Variants in SPG7 observed in about 807,000 individuals in gnomAD.
SPG7 encodes SPG7 matrix AAA peptidase subunit, paraplegin.
SPG7 carries 103 observed loss-of-function variants against 81.9 expected under a neutral mutation model. The observed-to-expected ratio is 1.26, with a 90% confidence interval of 1.07 to 1.48. The LOEUF (loss-of-function observed/expected upper bound fraction) is 1.48. Ranked by LOEUF, SPG7 falls within the 40% of genes most tolerant of loss-of-function variation. SPG7 has a pLI of 0.00. For synonymous variants in SPG7, 534 were observed against 444.2 expected, an observed-to-expected ratio of 1.20 and a Z score of -2.54; for missense variants, 1,241 against 1,087.3, an observed-to-expected ratio of 1.14 and a Z score of -1.99.
intron 7 of SPG7, chr16:89,531,698 G>A: frequency 1.7e-6 from 1 of 595,872 alleles, no homozygotes; most frequent in South Asian, 2.0e-5. Context: ...AAAAGTAGCT[G>A]GGCGTGGTGC....
At chr16:89,550,140 G>C (rs1336545678) in intron 12 of SPG7, 3 of 353,600 alleles carry the variant, frequency 8.5e-6, no homozygotes, top group Non-Finnish European at 1.7e-5. Flanking sequence ...CAGCCAGGGA[G>C]AGGCCGGGGT....
intron 5 of SPG7, chr16:89,526,725 T>C: frequency 4.6e-6 from 2 of 438,988 alleles, no homozygotes; most frequent in East Asian, 5.0e-5. Flanking sequence ...AAGCCCCTGG[T>C]GTAGGATGCT....
intron 11 of SPG7, 56 bp downstream of exon 11, chr16:89,546,816 A>C: frequency 8.6e-7 from 1 of 1,168,328 alleles, no homozygotes; most frequent in Admixed American, 1.7e-5. Flanking sequence ...AGGTGGTGTC[A>C]CCTGCGCAAA....
intron 9 of SPG7, chr16:89,541,283 C>A (rs1319265363): frequency 1.0e-6 from 1 of 985,332 alleles, no homozygotes; most frequent in Non-Finnish European, 1.2e-6. Flanking sequence ...GTATCCTTAT[C>A]ATGGTGTTCT....
At chr16:89,540,340 A>G (rs1478660886) in intron 9 of SPG7, 2 of 152,078 alleles carry the variant, frequency 1.3e-5, no homozygotes, top group East Asian at 3.9e-4. Context: ...TGATCCCAGC[A>G]TTTTGCGCGT....
At chr16:89,556,723 T>G in intron 16 of SPG7, 164 bp from the exon 17 acceptor site, 1 of 685,930 alleles carries the variant, frequency 1.5e-6, no homozygotes, top group Non-Finnish European at 2.7e-6. Flanking sequence ...TGGGGGTGAT[T>G]CTTCTTTCGG....
At chr16:89,536,278 G>T (rs1234074676) in intron 9 of SPG7, among the ~76,000 whole-genome samples, 1 of 114,450 alleles carries the variant, frequency 8.7e-6, no homozygotes, top group Non-Finnish European at 1.9e-5. Flanking sequence ...GTGGCCTTCA[G>T]TGTGGCCTCT....
intron 5 of SPG7, chr16:89,529,238 ATCTCCGGC>A: frequency 1.7e-6 from 1 of 580,176 alleles, no homozygotes; most frequent in South Asian, 2.0e-5. Context: ...GGCTGGCTAG[ATCTCCGGC>A]ATCTGCACAC....
intron 12 of SPG7, chr16:89,548,613 G>A (rs368963005): frequency 1.4e-4 from 45 of 317,758 alleles, no homozygotes; most frequent in Admixed American, 5.9e-4. Context: ...GGTCCCGACC[G>A]TCAGTAGGAA....
chr16:89,539,033 G>C (rs2058464388), intron 9 of SPG7: 2 of 149,214 alleles, frequency 1.3e-5, no homozygotes, highest in South Asian at 4.3e-4. Flanking sequence ...CAGATCTCGA[G>C]GCCCAAGGGG....
chr16:89,523,881 C>G, intron 3 of SPG7, 125 bp from the exon 4 acceptor site: 2 of 1,212,344 alleles, frequency 1.6e-6, no homozygotes, highest in Non-Finnish European at 2.4e-6. Flanking sequence ...GGAGGAAGTG[C>G]AGGATCTTCT....
Position 89,529,587 on chromosome 16 carries a change from CT to C in SPG7, c.861+9del. On this transcript the variant is annotated intron_variant, in intron 6 of 16. Coordinates refer to ENST00000645818, the MANE Select transcript of SPG7 (RefSeq NM_003119.4). ...GGTGGATTCAGTGCTTTTGTAAGTT[CT>C]GTAAATCAGAGCTCTCTGAACTCTT... The C allele has an allele frequency of 6.3e-7, 1 of 1,593,968 alleles. No individual in the cohort carries two copies.
intron 10 of SPG7, chr16:89,546,218 C>A (rs1208760538): frequency 4.5e-5 from 14 of 311,022 alleles, no homozygotes; most frequent in South Asian, 3.8e-4. Context: ...TCCCGAGTAG[C>A]TGGGATTACA....
In SPG7 at chr16:89,554,582, G is replaced by A. The variant is rs201539829; in HGVS notation, c.2181+19G>A. 190 of 1,584,234 alleles carry A rather than the reference G, an allele frequency of 1.2e-4. 1 individual carries two copies. The East Asian group carries it at 1.8e-3, about 15-fold the overall frequency. ...GCAGGCGGTGAGGCCCTGGCCAGGC[G>A]TGGGGGCTACGGCGTCACACAGTGT... is the stretch of plus-strand genomic sequence containing the variant. On this transcript the variant is annotated intron_variant, in intron 16 of 16. Transcript: ENST00000645818.
At chr16:89,548,714 G>C (rs1388428880) in intron 12 of SPG7, 1 of 352,828 alleles carries the variant, frequency 2.8e-6, no homozygotes, top group African/African-American at 2.1e-5. Flanking sequence ...TGCGACGTCT[G>C]TGAGGAGAGA....
chr16:89,527,634 A>C (rs2058282067), intron 5 of SPG7, among the ~76,000 whole-genome samples: 2 of 152,190 alleles, frequency 1.3e-5, no homozygotes, highest in Admixed American at 6.5e-5. Flanking sequence ...CAGTGTTGAG[A>C]GGGAAACAGA....
At chr16:89,522,807 GT>G (rs2058206944) in intron 3 of SPG7, 1 of 152,514 alleles carries the variant, frequency 6.6e-6, no homozygotes, top group African/African-American at 2.4e-5. Context: ...ACTGTGGGAA[GT>G]GACCCCTGCG....
At chr16:89,536,854 G>C in intron 9 of SPG7, 1 of 1,614,182 alleles carries the variant, frequency 6.2e-7, no homozygotes. Flanking sequence ...GGAGCCCACA[G>C]GGTCACGGAG....
chr16:89,528,308 C>G (rs1041071084), intron 5 of SPG7, among the ~76,000 whole-genome samples: 1 of 151,000 alleles, frequency 6.6e-6, no homozygotes, highest in Non-Finnish European at 1.5e-5. Flanking sequence ...AGGAGGATGG[C>G]GTGAACCCGG....
Sources: gnomAD v4.1 joint callset for allele counts (sites outside exome capture counted in the v4.1 genomes callset) on GRCh38, gnomAD v4.1.1 for gene constraint, MANE v1.5 for transcripts, NCBI Gene and HGNC (gene_info 2026-07-23, HGNC 2026-07-21) for gene names.